Variants in MICAL2 observed in about 807,000 individuals in gnomAD.
MICAL2 encodes the protein microtubule associated monooxygenase, calponin and LIM domain containing 2, also known as [F-actin]-monooxygenase MICAL2.
In MICAL2, 77 loss-of-function variants were observed where a neutral mutation model predicts 127.3. The ratio of observed to expected loss-of-function variants is 0.60; its 90% CI spans 0.50 to 0.73. MICAL2 has a LOEUF of 0.73. Ranked by LOEUF, MICAL2 falls within the 30% of genes least tolerant of loss-of-function variation. The pLI, the probability that MICAL2 is intolerant of heterozygous loss-of-function variation, is 0.00. For synonymous variants in MICAL2, 570 were observed against 551.1 expected (o/e 1.03, Z -0.48); for missense variants, 1,351 against 1,434.4 (o/e 0.94, Z 0.94).
intron 8 of MICAL2, among the ~76,000 whole-genome samples, chr11:12,218,627 G>C (rs568360601): frequency 6.6e-6 from 1 of 152,276 alleles, no homozygotes; most frequent in East Asian, 1.9e-4. Context: ...TCATGTGACC[G>C]CGGAAACAGG....
At chr11:12,130,875 G>A (rs532372864) in intron 1 of MICAL2, among the ~76,000 whole-genome samples, 2 of 152,328 alleles carry the variant, frequency 1.3e-5, no homozygotes, top group East Asian at 3.9e-4. Context: ...GGTGGACCCT[G>A]ATACTGCTGT....
intron 8 of MICAL2, among the ~76,000 whole-genome samples, chr11:12,217,642 T>C (rs1590404702): frequency 1.3e-5 from 2 of 151,794 alleles, no homozygotes; most frequent in African/African-American, 4.8e-5. Flanking sequence ...GCTTGATGGG[T>C]TTTGTGTTTT....
chr11:12,351,231 C>T (rs1939039474), intron 33 of MICAL2, among the ~76,000 whole-genome samples: 1 of 152,138 alleles, frequency 6.6e-6, no homozygotes. Context: ...CTAACCAACC[C>T]CAGAATTAGA....
intron 2 of MICAL2, among the ~76,000 whole-genome samples, chr11:12,151,289 A>G (rs534266027): frequency 6.7e-4 from 102 of 152,324 alleles, no homozygotes; most frequent in African/African-American, 2.3e-3. Context: ...CAACTTTTGC[A>G]GAACACTAAG....
intron 1 of MICAL2, among the ~76,000 whole-genome samples, chr11:12,114,909 C>G (rs573475770): frequency 7.2e-5 from 11 of 152,298 alleles, no homozygotes; most frequent in African/African-American, 2.4e-4. Flanking sequence ...ACAGGTCACA[C>G]GTGGGGCTGA....
At chr11:12,217,063 G>C (rs1391757616) in intron 8 of MICAL2, among the ~76,000 whole-genome samples, 1 of 152,190 alleles carries the variant, frequency 6.6e-6, no homozygotes, top group Non-Finnish European at 1.5e-5. Flanking sequence ...AGCAGGGTTG[G>C]AAGGAAGAAA....
At chr11:12,145,918 A>T (rs2133673318) in intron 2 of MICAL2, among the ~76,000 whole-genome samples, 1 of 152,356 alleles carries the variant, frequency 6.6e-6, no homozygotes, top group East Asian at 1.9e-4. Context: ...CATTAATGAC[A>T]ATATAAACAA....
intron 24 of MICAL2, among the ~76,000 whole-genome samples, chr11:12,270,802 T>C (rs1488196799): frequency 2.0e-5 from 3 of 152,214 alleles, no homozygotes; most frequent in Non-Finnish European, 4.4e-5. Context: ...CAAGCTTTGG[T>C]TTCCTTTCCT....
chr11:12,200,867 C>A (rs1048867173), intron 3 of MICAL2, among the ~76,000 whole-genome samples: 2 of 152,216 alleles, frequency 1.3e-5, no homozygotes, highest in Non-Finnish European at 2.9e-5. Context: ...TGGGTCGGGC[C>A]TGGTGGACAG....
chr11:12,296,704 T>G (rs897821090), downstream of MICAL2, among the ~76,000 whole-genome samples: 1 of 151,966 alleles, frequency 6.6e-6, no homozygotes, highest in Non-Finnish European at 1.5e-5. Context: ...TGATAGATAT[T>G]GTCATCAGTT....
At chr11:12,310,235 C>T (rs941280977) in intron 29 of MICAL2, among the ~76,000 whole-genome samples, 2 of 152,082 alleles carry the variant, frequency 1.3e-5, no homozygotes, top group African/African-American at 4.8e-5. Context: ...AGGTCCTTCC[C>T]AGAAAAATCT....
upstream of MICAL2, among the ~76,000 whole-genome samples, chr11:12,275,788 T>C (rs1863717421): frequency 6.6e-6 from 1 of 152,160 alleles, no homozygotes; most frequent in South Asian, 2.1e-4. Flanking sequence ...ACGCCCTACA[T>C]GTGGGAAATA....
chr11:12,203,636 C>T (rs753717831), intron 3 of MICAL2, among the ~76,000 whole-genome samples: 22 of 152,150 alleles, frequency 1.4e-4, no homozygotes, highest in Non-Finnish European at 2.4e-4. Context: ...GAGTTGTGAA[C>T]ATCCTTTATA....
chr11:12,286,180 T>C (rs961826258), intron 2 of MICAL2, among the ~76,000 whole-genome samples: 1 of 152,086 alleles, frequency 6.6e-6, no homozygotes, highest in Non-Finnish European at 1.5e-5. Context: ...GTCCCGCAAA[T>C]ATGTTTCCCT....
chr11:12,220,575 G>T, intron 9 of MICAL2, 117 bp downstream of exon 9: 1 of 1,394,888 alleles, frequency 7.2e-7, no homozygotes. Context: ...CAGCCAGTTG[G>T]CAGGACTCTG....
chr11:12,233,042 C>T (rs1045806032), intron 15 of MICAL2, among the ~76,000 whole-genome samples: 1 of 152,110 alleles, frequency 6.6e-6, no homozygotes. Flanking sequence ...TCTCAGTTAC[C>T]AGATCAAAAA....
At chr11:12,289,556 GT>G (rs755038754), downstream of MICAL2, among the ~76,000 whole-genome samples, 4 of 39,216 alleles carry the variant, frequency 1.0e-4, no homozygotes, top group Non-Finnish European at 2.1e-4. Flanking sequence ...GGCACCTCTT[GT>G]TTTTTTTTGT....
At chr11:12,323,382 T>C (rs886407096) in intron 30 of MICAL2, among the ~76,000 whole-genome samples, 1 of 152,200 alleles carries the variant, frequency 6.6e-6, no homozygotes, top group Non-Finnish European at 1.5e-5. Flanking sequence ...AATTAGCCAC[T>C]GTAGACTCAA....
downstream of MICAL2, chr11:12,293,736 G>T (rs570794396): frequency 2.5e-6 from 4 of 1,614,010 alleles, no homozygotes; most frequent in East Asian, 2.2e-5. Flanking sequence ...GGTGAAGATG[G>T]CCTCTCAGAC....
Sources: gnomAD v4.1 joint callset for allele counts (sites outside exome capture counted in the v4.1 genomes callset) on GRCh38, gnomAD v4.1.1 for gene constraint, MANE v1.5 for transcripts, NCBI Gene and HGNC (gene_info 2026-07-23, HGNC 2026-07-21) for gene names.